SYNRG: variants seen among roughly 807,000 people sequenced by gnomAD.
SYNRG encodes synergin gamma, also known as AP1 gamma subunit binding protein 1.
SYNRG carries 37 observed loss-of-function variants against 130.9 expected under a neutral mutation model. That is an observed-to-expected ratio of 0.28 (90% CI 0.22 to 0.37). SYNRG has a LOEUF of 0.37. Among genes scored for constraint, SYNRG ranks in the 10% least tolerant of loss-of-function variants. The pLI is 1.00. For missense variants in SYNRG, 1,338 were observed against 1,588.9 expected (o/e 0.84, Z 2.68); for synonymous variants, 539 against 568.1 (o/e 0.95, Z 0.73).
rs756230825 is a variant in SYNRG at position 37,540,469 on chromosome 17, G to A, written c.3277C>T (p.Pro1093Ser). Residue 1093 changes from proline to serine, a missense_variant, in exon 16 of 22, where the codon CCT (proline) becomes TCT (serine). Physicochemically the swap from Pro to Ser is moderately conservative, Grantham distance 74 (BLOSUM62 -1). Around this residue, in one of 3 missense-constraint regions of SYNRG, gnomAD observed 1,146 missense variants for 1,342.3 expected, o/e 0.85. Transcript: ENST00000612223. ...RSSPSPALEQ[P>S]FRDRSNTLNE... The stretch of plus-strand genomic sequence containing the variant: ...AGAGTATTGGAACGGTCTCTGAAAG[G>A]CTGCTCCAAAGCTGGAGAAGGAGAA... The A allele has an allele frequency of 1.9e-6, 3 of 1,613,968 alleles. No individual in the cohort carries two copies. The South Asian group carries it at 3.3e-5, about 18-fold the overall frequency.
chr17:37,520,587 T>C lies in SYNRG; in HGVS notation c.3728A>G (p.Gln1243Arg), dbSNP rs1210512748. Reference protein sequence around the residue: ...CMLRPGIKNAQELACGVCLLN... With the variant: ...CMLRPGIKNARELACGVCLLN... ...GAGGCACACTCCACAGGCAAGCTCC[T>C]GAGCATTTTTAATCCCAGGCCGTAA... The change falls in exon 20 of 22, where the codon CAG becomes CGG. Residue 1243 changes from glutamine (Q) to arginine (R), a missense_variant. Gln to Arg is a conservative substitution (Grantham distance 43). Transcript: ENST00000612223. 1.9e-6 allele frequency: 3 copies of C among 1,614,172 alleles called. No homozygotes were observed. Among genetic ancestry groups the C allele is most frequent in the Non-Finnish European group, 2.5e-6 (3 of 1,180,040 alleles).
rs1173703785 is a variant in SYNRG at position 37,553,474 on chromosome 17, T to C, written c.2249A>G (p.Gln750Arg). 2 of 1,614,078 alleles carry C rather than the reference T, an allele frequency of 1.2e-6. No individual in the cohort carries two copies. The highest frequency in any genetic ancestry group is 4.5e-5 in the East Asian group (2 of 44,906). The change falls in exon 14 of 22, where the codon CAA becomes CGA. Residue 750 changes from glutamine to arginine, a missense_variant. By Grantham distance (43) the Gln-to-Arg change is conservative. Coordinates refer to ENST00000612223, the MANE Select transcript of SYNRG (RefSeq NM_007247.6). ...TAGTCCAGACCCTTCCAGAGAAAGT[T>C]GTCTGAAGACATCGTACTTGGTAGA... ...AASTKYDVFR[Q>R]LSLEGSGLGV...
chr17:37,577,544 A>G lies in SYNRG; in HGVS notation c.659T>C (p.Leu220Ser). The G allele has an allele frequency of 6.2e-7, 1 of 1,613,856 alleles. No homozygotes were observed. Among genetic ancestry groups the G allele is most frequent in the East Asian group, 2.2e-5 (1 of 44,882 alleles). ...ISTSGQEQIK[L>S]NTSEVGHKAL... Reference sequence around the variant, plus strand: ...TTTGTGGCCAACTTCAGAAGTATTTAATTTAATTTGTTCCTGCCCAGATGT... The same window carrying G: ...TTTGTGGCCAACTTCAGAAGTATTTGATTTAATTTGTTCCTGCCCAGATGT... Residue 220 changes from leucine to serine, a missense_variant, in exon 7 of 22, where the codon TTA becomes TCA. Around this residue, in one of 3 missense-constraint regions of SYNRG, gnomAD observed 1,146 missense variants for 1,342.3 expected, o/e 0.85. Transcript: ENST00000612223.
At chr17:37,594,076 T>A (rs900429418) in intron 3 of SYNRG, among the ~76,000 whole-genome samples, 2 of 151,478 alleles carry the variant, frequency 1.3e-5, no homozygotes, top group Non-Finnish European at 2.9e-5. Context: ...TATTAGAGAC[T>A]CTTACTGTTT....
At chr17:37,561,407 T>G (rs766607725) in intron 12 of SYNRG, 64 bp downstream of exon 12, 17 of 1,481,912 alleles carry the variant, frequency 1.1e-5, no homozygotes, top group African/African-American at 2.8e-5. Flanking sequence ...CACTTAAAGA[T>G]TCATACAATT....
intron 6 of SYNRG, 77 bp from the exon 7 acceptor site, chr17:37,577,690 A>AAAT: frequency 3.2e-6 from 3 of 944,922 alleles, no homozygotes; most frequent in Non-Finnish European, 4.6e-6. Context: ...CTCCACCCCC[A>AAAT]TATTCTTTTT....
At position 37,520,408 on chromosome 17, in the gene SYNRG, A is replaced by T. The variant is rs921522458; in HGVS notation, c.3777+130T>A. 7.2e-6 allele frequency: 8 copies of T among 1,103,926 alleles called. No individual in the cohort carries two copies. The African/African-American group carries it at 1.1e-4, about 15-fold the overall frequency. 68.4% of individuals were successfully genotyped at this position (1,103,926 alleles called of 1,614,324 possible). ...TCGAGGGAATGTGTCTGCTCCTACC[A>T]TCAGCTTTTAGGACTTGAGAAAATC... On this transcript the variant is annotated intron_variant, in intron 20 of 21. Transcript: ENST00000612223.
chr17:37,573,306 G>C (rs2060575988), intron 8 of SYNRG, among the ~76,000 whole-genome samples: 1 of 152,148 alleles, frequency 6.6e-6, no homozygotes, highest in Admixed American at 6.5e-5. Context: ...AGGAGGCTGA[G>C]GCAGGAGAAC....
intron 6 of SYNRG, chr17:37,579,422 G>A: frequency 7.7e-7 from 1 of 1,303,398 alleles, no homozygotes; most frequent in East Asian, 5.5e-5. Context: ...AGAATGAGAT[G>A]ATGTGGGGCA....
intron 14 of SYNRG, among the ~76,000 whole-genome samples, chr17:37,545,715 G>A (rs2058220723): frequency 3.3e-5 from 5 of 152,154 alleles, no homozygotes. Context: ...TGAAAGACTA[G>A]GAAAGCAAAT....
intron 19 of SYNRG, among the ~76,000 whole-genome samples, chr17:37,530,235 C>T (rs1007774852): frequency 2.0e-5 from 3 of 152,120 alleles, no homozygotes; most frequent in Non-Finnish European, 4.4e-5. Context: ...CAGAATAAAC[C>T]CAGGCCTCAC....
intron 16 of SYNRG, among the ~76,000 whole-genome samples, chr17:37,539,831 G>A (rs1405543785): frequency 3.9e-5 from 6 of 152,220 alleles, no homozygotes; most frequent in East Asian, 1.9e-4. Context: ...GCCTTTCTTC[G>A]GAGGCACTCA....
chr17:37,523,687 T>C (rs946444333), intron 19 of SYNRG, among the ~76,000 whole-genome samples: 6 of 152,094 alleles, frequency 3.9e-5, no homozygotes, highest in Non-Finnish European at 7.4e-5. Context: ...GCAGTAGCCT[T>C]GTGAGCTCCA....
intron 3 of SYNRG, among the ~76,000 whole-genome samples, chr17:37,591,376 T>G (rs1334005136): frequency 6.6e-6 from 1 of 152,206 alleles, no homozygotes; most frequent in Non-Finnish European, 1.5e-5. Flanking sequence ...ATTGATATGT[T>G]GGAAGACATC....
In SYNRG at chr17:37,524,408, A is replaced by C. The variant is rs551131191; in HGVS notation, c.3667-3760T>G. 7.9e-5 allele frequency among the ~76,000 whole-genome samples: 12 copies of C among 152,360 alleles called. No individual in the cohort carries two copies. The South Asian group carries it at 2.5e-3, about 32-fold the overall frequency. On this transcript the variant is annotated intron_variant, in intron 19 of 21. Coordinates refer to ENST00000612223, the MANE Select transcript of SYNRG (RefSeq NM_007247.6). ...TAATAAACCATGAACTAGCTCCACA[A>C]ATCTTTCTTAAACACATTTGAGCTA...
chr17:37,522,007 C>T (rs1301509550), intron 19 of SYNRG, among the ~76,000 whole-genome samples: 1 of 152,134 alleles, frequency 6.6e-6, no homozygotes, highest in East Asian at 1.9e-4. Context: ...GTTGGATACA[C>T]ATACAGGCCT....
At chr17:37,540,319 C>T in intron 16 of SYNRG, 61 bp downstream of exon 16, 1 of 1,573,746 alleles carries the variant, frequency 6.4e-7, no homozygotes, top group South Asian at 1.2e-5. Flanking sequence ...AGCATTCTTT[C>T]TTGGGGCCCT....
intron 18 of SYNRG, among the ~76,000 whole-genome samples, chr17:37,537,666 T>C (rs747941310): frequency 2.0e-5 from 3 of 151,858 alleles, no homozygotes; most frequent in Non-Finnish European, 2.9e-5. Flanking sequence ...ATAAGTAACA[T>C]ATGTAAGAAA....
Position 37,553,541 on chromosome 17 carries a change from C to T in SYNRG, c.2182G>A (p.Val728Met), listed in dbSNP as rs766394151. The change falls in exon 14 of 22, where the codon GTG (valine) becomes ATG (methionine). Residue 728 changes from valine (V) to methionine (M), a missense_variant. By Grantham distance (21) the Val-to-Met change is conservative. Around this residue, in one of 3 missense-constraint regions of SYNRG, gnomAD observed 1,146 missense variants for 1,342.3 expected, o/e 0.85. Coordinates refer to ENST00000612223, the MANE Select transcript of SYNRG (RefSeq NM_007247.6). ...TGTCCACCCTTCACTGTGCTGCCCA[C>T]GTTGCTGGTTAGAGGAACAGGACTG... is the stretch of plus-strand genomic sequence containing the variant. ...EASPVPLTSN[V>M]GSTVKGGQNS... 2.5e-5 allele frequency: 40 copies of T among 1,614,076 alleles called. No individual in the cohort carries two copies. Among genetic ancestry groups the T allele is most frequent in the Middle Eastern group, 1.6e-4 (1 of 6,084 alleles).
Sources: allele counts gnomAD v4.1 joint callset (sites outside exome capture counted in the v4.1 genomes callset), GRCh38; gene constraint gnomAD v4.1.1; regional missense constraint gnomAD v4.1.1; transcripts MANE v1.5; gene names NCBI Gene and HGNC (gene_info 2026-07-23, HGNC 2026-07-21).